The following PCDH9 variants were observed in gnomAD, a reference collection of about 807,000 sequenced individuals.
PCDH9 encodes the protein protocadherin-9.
A neutral mutation model predicts 70.6 loss-of-function variants in PCDH9; 24 were observed. The observed-to-expected ratio is 0.34, with a 90% CI of 0.25 to 0.48. The LOEUF (loss-of-function observed/expected upper bound fraction) is 0.48, where lower values mean the gene tolerates loss of function less well. Ranked by LOEUF, PCDH9 falls within the 20% of genes least tolerant of loss-of-function variation. PCDH9 has a pLI of 0.99. For missense variants in PCDH9, 1,281 were observed against 1,503.6 expected, an observed-to-expected ratio of 0.85 and a Z score of 2.45; for synonymous variants, 562 against 558.5, an observed-to-expected ratio of 1.01 and a Z score of -0.09.
chr13:66,598,925 AAC>A (rs1210502386), intron 4 of PCDH9, among the ~76,000 whole-genome samples: 1 of 151,862 alleles, frequency 6.6e-6, no homozygotes, highest in East Asian at 1.9e-4. Flanking sequence ...CTCTAAAGAA[AAC>A]ACAGTGATAA....
chr13:66,919,196 T>G (rs990571126), intron 2 of PCDH9, among the ~76,000 whole-genome samples: 9 of 151,218 alleles, frequency 6.0e-5, no homozygotes, highest in Non-Finnish European at 1.2e-4. Context: ...AATATATATC[T>G]AAGTGATGAC....
chr13:66,674,579 G>A (rs866864317), intron 3 of PCDH9, among the ~76,000 whole-genome samples: 4 of 151,998 alleles, frequency 2.6e-5, no homozygotes, highest in Non-Finnish European at 5.9e-5. Flanking sequence ...TCTACATATT[G>A]TAAAATTGAA....
intron 4 of PCDH9, among the ~76,000 whole-genome samples, chr13:66,577,158 C>G (rs1043486275): frequency 3.3e-5 from 5 of 151,752 alleles, no homozygotes; most frequent in African/African-American, 1.2e-4. Flanking sequence ...TTTATTTTGT[C>G]AGTGAACCAG....
chr13:66,420,413 T>C (rs1282905694), intron 4 of PCDH9, among the ~76,000 whole-genome samples: 1 of 152,170 alleles, frequency 6.6e-6, no homozygotes, highest in African/African-American at 2.4e-5. Flanking sequence ...AGACACCTCA[T>C]ACAGGAGAGC....
intron 3 of PCDH9, among the ~76,000 whole-genome samples, chr13:66,654,423 C>T (rs545228623): frequency 3.3e-5 from 5 of 151,984 alleles, no homozygotes; most frequent in Admixed American, 1.3e-4. Flanking sequence ...AGGGAAACTA[C>T]AGTCAACAAT....
Position 66,392,286 on chromosome 13 carries a change from A to C in PCDH9, c.3341-87258T>G, listed in dbSNP as rs1227939022. 3.9e-5 allele frequency among the ~76,000 whole-genome samples: 6 copies of C among 152,138 alleles called. No individual in the cohort carries two copies. In the East Asian group the frequency reaches 1.2e-3, roughly 29 times the overall value. ...TAAGCCAAGTGAGACATATATTTTA[A>C]GATGGGAGCATTAAATATTAAGTAG... On this transcript the variant is annotated intron_variant, in intron 4 of 4. Coordinates refer to ENST00000377865, the MANE Select transcript of PCDH9 (RefSeq NM_203487.3).
At chr13:66,712,895 T>C (rs2078814856) in intron 3 of PCDH9, among the ~76,000 whole-genome samples, 1 of 152,184 alleles carries the variant, frequency 6.6e-6, no homozygotes, top group South Asian at 2.1e-4. Flanking sequence ...ATAATTAAAT[T>C]GTTTAAAGGA....
intron 4 of PCDH9, among the ~76,000 whole-genome samples, chr13:66,329,801 T>C (rs1379952440): frequency 6.6e-6 from 1 of 152,148 alleles, no homozygotes; most frequent in Non-Finnish European, 1.5e-5. Flanking sequence ...AGTATAAAAA[T>C]AGGCCTTTCT....
chr13:67,141,113 A>G (rs2087374764), intron 2 of PCDH9, among the ~76,000 whole-genome samples: 1 of 152,238 alleles, frequency 6.6e-6, no homozygotes. Flanking sequence ...TTAGCATCCT[A>G]AAGAGTTTAG....
chr13:66,605,819 C>T (rs968478265), intron 4 of PCDH9, among the ~76,000 whole-genome samples: 4 of 151,902 alleles, frequency 2.6e-5, no homozygotes, highest in South Asian at 2.1e-4. Flanking sequence ...TTTCTAGTGT[C>T]GGATAGTAAG....
In PCDH9 at chr13:66,604,782, G is replaced by A. The variant is rs531009570; in HGVS notation, c.3340+26428C>T. Among the ~76,000 whole-genome samples, 10 of 151,030 alleles carry A rather than the reference G, an allele frequency of 6.6e-5. 1 individual carries two copies. In the South Asian group the frequency reaches 1.9e-3, roughly 28 times the overall value. On this transcript the variant is annotated intron_variant, in intron 4 of 4. Coordinates refer to ENST00000377865, the MANE Select transcript of PCDH9 (RefSeq NM_203487.3). ...CATTCAATAGAAACCATTCATTAGT[G>A]ATATTTTTTTTCAAATACTTTTTAT...
At chr13:66,994,589 T>C (rs1466329690) in intron 2 of PCDH9, among the ~76,000 whole-genome samples, 1 of 152,184 alleles carries the variant, frequency 6.6e-6, no homozygotes, top group African/African-American at 2.4e-5. Context: ...TATTATTCTG[T>C]GGTAAAAACA....
intron 2 of PCDH9, among the ~76,000 whole-genome samples, chr13:66,917,530 G>A (rs1180606190): frequency 2.0e-5 from 3 of 151,344 alleles, no homozygotes; most frequent in Non-Finnish European, 4.4e-5. Flanking sequence ...GGCTCTGGTC[G>A]AATAAATGTG....
At chr13:67,103,545 T>C (rs2086474987) in intron 2 of PCDH9, among the ~76,000 whole-genome samples, 1 of 152,222 alleles carries the variant, frequency 6.6e-6, no homozygotes, top group Admixed American at 6.5e-5. Context: ...CTGCTAACAA[T>C]GTTAGCAATT....
intron 2 of PCDH9, among the ~76,000 whole-genome samples, chr13:67,151,778 C>A (rs544995615): frequency 6.7e-6 from 1 of 149,424 alleles, no homozygotes; most frequent in South Asian, 2.1e-4. Context: ...GGACTTTATG[C>A]TTTTGAGGCC....
chr13:67,061,470 G>A (rs774602528), intron 2 of PCDH9, among the ~76,000 whole-genome samples: 1 of 151,936 alleles, frequency 6.6e-6, no homozygotes, highest in Non-Finnish European at 1.5e-5. Context: ...ATATTCAAGT[G>A]CATAGAAGCT....
chr13:67,109,186 G>T (rs979934664), intron 2 of PCDH9, among the ~76,000 whole-genome samples: 1 of 152,100 alleles, frequency 6.6e-6, no homozygotes, highest in Non-Finnish European at 1.5e-5. Context: ...AATAAAAGGT[G>T]ATCCTTAGCT....
chr13:66,575,412 C>T (rs1469741080), intron 4 of PCDH9, among the ~76,000 whole-genome samples: 1 of 152,018 alleles, frequency 6.6e-6, no homozygotes, highest in African/African-American at 2.4e-5. Flanking sequence ...CCTGAATCCT[C>T]CTCACATCTA....
chr13:66,779,849 C>CTCTCAATATATA (rs1395244975), intron 3 of PCDH9, among the ~76,000 whole-genome samples: 2 of 78,920 alleles, frequency 2.5e-5, no homozygotes, highest in Non-Finnish European at 4.6e-5. Flanking sequence ...CTCTCTCTCT[C>CTCTCAATATATA]TATATATATA....
Sources: gnomAD v4.1 joint callset for allele counts (sites outside exome capture counted in the v4.1 genomes callset) on GRCh38, gnomAD v4.1.1 for gene constraint, MANE v1.5 for transcripts, NCBI Gene and HGNC (gene_info 2026-07-23, HGNC 2026-07-21) for gene names.